Variants in MVB12B observed in about 807,000 individuals in gnomAD.
MVB12B encodes the protein multivesicular body subunit 12B.
MVB12B carries 16 observed loss-of-function variants against 41.6 expected under a neutral mutation model. The ratio of observed to expected loss-of-function variants is 0.38; its 90% CI spans 0.26 to 0.58. MVB12B has a LOEUF of 0.58. Ranked by LOEUF, MVB12B falls within the 20% of genes least tolerant of loss-of-function variation. The pLI, the probability that MVB12B is intolerant of heterozygous loss-of-function variation, is 0.62. For missense variants in MVB12B, 274 were observed against 380.2 expected (o/e 0.72, Z 2.32); for synonymous variants, 133 against 139.7 (o/e 0.95, Z 0.34).
intron 7 of MVB12B, among the ~76,000 whole-genome samples, chr9:126,437,355 G>T (rs1832510464): frequency 6.6e-6 from 1 of 152,218 alleles, no homozygotes; most frequent in African/African-American, 2.4e-5. Context: ...TCACGGCATA[G>T]TAATGACAAT....
intron 5 of MVB12B, among the ~76,000 whole-genome samples, chr9:126,394,163 C>T (rs1313619180): frequency 6.6e-6 from 1 of 152,192 alleles, no homozygotes; most frequent in Non-Finnish European, 1.5e-5. Context: ...ATTATGTAAA[C>T]AGGACTACAG....
chr9:126,428,364 C>T (rs968407569), intron 7 of MVB12B, among the ~76,000 whole-genome samples: 10 of 152,064 alleles, frequency 6.6e-5, no homozygotes, highest in Admixed American at 6.5e-4. Context: ...ATTTCTGCCA[C>T]CAGCTTTTCA....
Position 126,389,666 on chromosome 9 carries a change from C to T in MVB12B, c.410-2400C>T, listed in dbSNP as rs1460592591. 2.0e-5 allele frequency among the ~76,000 whole-genome samples: 3 copies of T among 152,112 alleles called. No homozygotes were observed. The highest frequency in any genetic ancestry group is 7.2e-5 in the African/African-American group (3 of 41,426). ...TCTTTGTGTAAAGGTCTCTCTTCTT[C>T]GTGCTTTCTAAGGCCGATCTGATCA... On this transcript the variant is annotated intron_variant, in intron 4 of 9. Coordinates refer to ENST00000361171, the MANE Select transcript of MVB12B (RefSeq NM_033446.3). This position sits in a 1 kb window ranked among gnomAD's most constrained non-coding sequence, Gnocchi z 4.4.
At chr9:126,388,336 C>T (rs1338746083) in intron 4 of MVB12B, among the ~76,000 whole-genome samples, 1 of 152,180 alleles carries the variant, frequency 6.6e-6, no homozygotes, top group Non-Finnish European at 1.5e-5. Context: ...ATACTGTTTT[C>T]AAGGTTGGCC....
chr9:126,410,923 T>C (rs1370108998), intron 6 of MVB12B, among the ~76,000 whole-genome samples: 6 of 150,952 alleles, frequency 4.0e-5, no homozygotes, highest in African/African-American at 1.5e-4. Context: ...AGTCTTACTC[T>C]GTCACCCAGG....
intron 7 of MVB12B, among the ~76,000 whole-genome samples, chr9:126,441,787 A>G (rs1174236027): frequency 1.3e-5 from 2 of 152,240 alleles, no homozygotes; most frequent in East Asian, 3.8e-4. Context: ...AGTGTAGAAT[A>G]TTTAGATGTA....
intron 7 of MVB12B, among the ~76,000 whole-genome samples, chr9:126,429,179 A>G (rs181514924): frequency 8.5e-4 from 129 of 152,318 alleles, no homozygotes; most frequent in Non-Finnish European, 1.7e-3. Flanking sequence ...ATCATCACCT[A>G]TAAGAACCAT....
intron 6 of MVB12B, among the ~76,000 whole-genome samples, chr9:126,414,445 A>G (rs770337887): frequency 6.6e-6 from 1 of 151,994 alleles, no homozygotes; most frequent in African/African-American, 2.4e-5. Context: ...GCTTGGTAAC[A>G]CTCCCCGAGG....
At chr9:126,407,027 G>A (rs1186121744) in intron 6 of MVB12B, among the ~76,000 whole-genome samples, 1 of 152,156 alleles carries the variant, frequency 6.6e-6, no homozygotes, top group African/African-American at 2.4e-5. Flanking sequence ...CACTTGAATA[G>A]TTTGAAATTC....
intron 6 of MVB12B, among the ~76,000 whole-genome samples, chr9:126,403,946 A>G (rs1831341223): frequency 2.1e-5 from 3 of 144,928 alleles, no homozygotes; most frequent in Non-Finnish European, 4.5e-5. Context: ...TAACTCCTTT[A>G]AATCTTTTTT....
intron 7 of MVB12B, among the ~76,000 whole-genome samples, chr9:126,440,440 C>T (rs1307001471): frequency 1.3e-5 from 2 of 152,172 alleles, no homozygotes. Flanking sequence ...AAACAGCTTC[C>T]CTCTGCCACG....
intron 7 of MVB12B, among the ~76,000 whole-genome samples, chr9:126,458,058 C>G (rs1833019920): frequency 6.6e-6 from 1 of 152,234 alleles, no homozygotes; most frequent in Non-Finnish European, 1.5e-5. Flanking sequence ...TAGCCCTGCA[C>G]TCTCCCTCAC....
At position 126,478,937 on chromosome 9, in the gene MVB12B, G is replaced by A. The variant is rs1315270803; in HGVS notation, c.758-2432G>A. Among the ~76,000 whole-genome samples, 1 of 152,202 alleles carries A rather than the reference G, an allele frequency of 6.6e-6. No homozygotes were observed. The highest frequency in any genetic ancestry group is 1.5e-5 in the Non-Finnish European group (1 of 68,026). On this transcript the variant is annotated intron_variant, in intron 7 of 9. Transcript: ENST00000361171. This position sits in a 1 kb window ranked among gnomAD's most constrained non-coding sequence, Gnocchi z 4.2. ...TAATAAGGTCTTTAAAACATCAGAG[G>A]CAGAAAGTCTGGGGAATGAATGGTG... is the stretch of plus-strand genomic sequence containing the variant.
chr9:126,413,849 T>TGCGTGC (rs1554776186), intron 6 of MVB12B, among the ~76,000 whole-genome samples: 1 of 148,516 alleles, frequency 6.7e-6, no homozygotes, highest in Non-Finnish European at 1.5e-5. Context: ...TGTGTGTGTG[T>TGCGTGC]GTGTATAAGG....
rs1035755920 is a variant in MVB12B at position 126,389,570 on chromosome 9, G to A, written c.410-2496G>A. Among the ~76,000 whole-genome samples the A allele has an allele frequency of 6.6e-6, 1 of 152,142 alleles. No individual in the cohort carries two copies. The stretch of plus-strand genomic sequence containing the variant: ...CAGTGGCTCCATCTCTTAACCCCGA[G>A]TTTGCTGCAGACGGAAGAATGGAGC... On this transcript the variant is annotated intron_variant, in intron 4 of 9. Transcript: ENST00000361171. The surrounding 1 kb of genome is among the most constrained non-coding windows in gnomAD (Gnocchi z 4.4).
chr9:126,436,060 G>A lies in MVB12B; in HGVS notation c.757+14112G>A, dbSNP rs750481179. Among the ~76,000 whole-genome samples the A allele has an allele frequency of 4.6e-5, 7 of 152,194 alleles. No homozygotes were observed. Among genetic ancestry groups the A allele is most frequent in the Non-Finnish European group, 8.8e-5 (6 of 68,040 alleles). ...TGCAGATAATTAAATGGTTCAGTTG[G>A]CACAGTATGTCTACTTTATTAAAAC... On this transcript the variant is annotated intron_variant, in intron 7 of 9. Transcript: ENST00000361171. The surrounding 1 kb of genome is among the most constrained non-coding windows in gnomAD (Gnocchi z 4.1).
chr9:126,482,005 C>T (rs1181447221), intron 8 of MVB12B, among the ~76,000 whole-genome samples: 2 of 152,252 alleles, frequency 1.3e-5, no homozygotes, highest in South Asian at 2.1e-4. Context: ...ACCCAACCAT[C>T]CACATCAGCA....
intron 7 of MVB12B, among the ~76,000 whole-genome samples, chr9:126,455,112 G>T (rs1832955199): frequency 6.6e-6 from 1 of 152,200 alleles, no homozygotes; most frequent in African/African-American, 2.4e-5. Context: ...TCCCCAGTAA[G>T]ACCCACAGCT....
At chr9:126,416,731 C>A (rs891497576) in intron 6 of MVB12B, among the ~76,000 whole-genome samples, 14 of 152,154 alleles carry the variant, frequency 9.2e-5, no homozygotes, top group African/African-American at 3.4e-4. Context: ...GTTTCCTATT[C>A]TGTTAAATGA....
Sources: gnomAD v4.1 joint callset for allele counts (sites outside exome capture counted in the v4.1 genomes callset) on GRCh38, gnomAD v4.1.1 for gene constraint, Gnocchi (gnomAD v3.1) non-coding constraint, MANE v1.5 for transcripts, NCBI Gene and HGNC (gene_info 2026-07-23, HGNC 2026-07-21) for gene names.